KIDINS220: variants seen among roughly 807,000 people sequenced by gnomAD.
KIDINS220 encodes kinase D-interacting substrate of 220 kDa.
KIDINS220 carries 63 observed loss-of-function variants against 157.6 expected under a neutral mutation model. The observed-to-expected ratio is 0.40, with a 90% CI of 0.33 to 0.49. KIDINS220 has a LOEUF of 0.49. Among genes scored for constraint, KIDINS220 ranks in the 20% least tolerant of loss-of-function variants. The pLI, the probability that KIDINS220 is intolerant of heterozygous loss-of-function variation, is 0.66. For synonymous variants in KIDINS220, 732 were observed against 783.6 expected (o/e 0.93, Z 1.10); for missense variants, 1,772 against 2,171.2 (o/e 0.82, Z 3.65).
At chr2:8,732,245 T>A (rs1455380444) in intron 29 of KIDINS220, among the ~76,000 whole-genome samples, 4 of 152,226 alleles carry the variant, frequency 2.6e-5, no homozygotes, top group Non-Finnish European at 5.9e-5. Context: ...TAACAAATAA[T>A]CTTAGCACTT....
At chr2:8,727,053 G>A, downstream of KIDINS220, 1 of 986,762 alleles carries the variant, frequency 1.0e-6, no homozygotes, top group Non-Finnish European at 1.4e-6. Flanking sequence ...ACTATCCAGT[G>A]CTGGCTGTTG....
At chr2:8,763,132 AGT>A (rs1231851250) in intron 22 of KIDINS220, among the ~76,000 whole-genome samples, 1 of 152,224 alleles carries the variant, frequency 6.6e-6, no homozygotes, top group Non-Finnish European at 1.5e-5. Flanking sequence ...TAAAATATTT[AGT>A]TCTATATTTC....
chr2:8,767,720 A>G (rs951924575), intron 22 of KIDINS220, among the ~76,000 whole-genome samples: 3 of 152,196 alleles, frequency 2.0e-5, no homozygotes, highest in African/African-American at 4.8e-5. Context: ...AAGCTTATGA[A>G]AGCTTTGGGT....
In KIDINS220 at chr2:8,812,377, A is replaced by G; in HGVS notation, c.504+18T>C. ...GACATAACATGGACTGGAACCTGAA[A>G]AGATGCTGCTGACCTACCTTATCAG... is the stretch of plus-strand genomic sequence containing the variant. On this transcript the variant is annotated intron_variant, in intron 6 of 29. Coordinates refer to ENST00000256707, the MANE Select transcript of KIDINS220 (RefSeq NM_020738.4). 3 of 1,468,676 alleles carry G rather than the reference A, an allele frequency of 2.0e-6. No homozygotes were observed. The highest frequency in any genetic ancestry group is 2.8e-6 in the Non-Finnish European group (3 of 1,066,150). The allele number at this position is 1,468,676 out of a possible 1,614,324, so 91.0% of individuals were successfully genotyped here.
chr2:8,826,900 C>T, intron 2 of KIDINS220, 86 bp downstream of exon 2: 1 of 673,032 alleles, frequency 1.5e-6, no homozygotes, highest in South Asian at 1.9e-5. Context: ...TTAGAACTAC[C>T]TATTTCTTAC....
intron 9 of KIDINS220, among the ~76,000 whole-genome samples, chr2:8,800,024 A>C (rs17722392): frequency 0.049 from 7,434 of 152,318 alleles, 226 homozygotes; most frequent in Middle Eastern, 0.071. Context: ...CAGCAGATGG[A>C]GGAAGAAGAC....
chr2:8,819,969 C>T (rs1677682120), intron 2 of KIDINS220, among the ~76,000 whole-genome samples: 1 of 152,212 alleles, frequency 6.6e-6, no homozygotes, highest in South Asian at 2.1e-4. Context: ...TAAACACCTA[C>T]TTACTACATG....
In KIDINS220 at chr2:8,731,028, A is replaced by C. The variant is rs773929263; in HGVS notation, c.5008T>G (p.Cys1670Gly). The C allele has an allele frequency of 1.1e-5, 17 of 1,614,096 alleles. No individual in the cohort carries two copies. The highest frequency in any genetic ancestry group is 1.4e-5 in the Non-Finnish European group (16 of 1,180,046). ...CGGTTCAGGTTGTAGGCTTTCTGGC[A>C]TGCAGGCCAGTTTTCTTCAGGGCTG... ...ASSPEENWPA[C>G]QKAYNLNRTP... The change falls in exon 30 of 30, where the codon TGC becomes GGC. Residue 1670 changes from cysteine to glycine, a missense_variant. Cys to Gly is a radical substitution (Grantham distance 159). Coordinates refer to ENST00000256707, the MANE Select transcript of KIDINS220 (RefSeq NM_020738.4). This position sits in a 1 kb window ranked among gnomAD's most constrained non-coding sequence, Gnocchi z 5.2.
rs1445865318 is a variant in KIDINS220, at chr2:8,730,764, A to G, written c.5272T>C (p.Ser1758Pro). 10 of 1,614,228 alleles carry G rather than the reference A, an allele frequency of 6.2e-6. No individual in the cohort carries two copies. In the South Asian group the frequency reaches 1.1e-4, roughly 18 times the overall value. ...TCTTCTCCAAAGCCTGTGCTCTCAG[A>G]AGAGGCTGCTGCATGGAGCTCCGGA... ...DPPELHAAAS[S>P]ESTGFGEERE... is the part of the protein sequence containing the mutation. The change falls in exon 30 of 30, where the codon TCT becomes CCT. Residue 1758 changes from serine to proline, a missense_variant. Transcript: ENST00000256707.
chr2:8,770,698 G>A lies in KIDINS220; in HGVS notation c.2983C>T (p.Gln995Ter). 6.3e-7 allele frequency: 1 copy of A among 1,595,094 alleles called. No homozygotes were observed. Among genetic ancestry groups the A allele is most frequent in the Non-Finnish European group, 8.5e-7 (1 of 1,170,020 alleles). The change falls in exon 22 of 30, where the codon CAA becomes TAA. Residue 995 changes from glutamine (Q) to a stop codon, truncating the protein, a stop_gained. Transcript: ENST00000256707. LOFTEE classifies it high-confidence loss of function. ...TCGTAGATGGTTTTTAATGTCATTTGATCTGGAATACCTTCAGTCTCTTCC... is the reference window on the plus strand; with the variant it reads ...TCGTAGATGGTTTTTAATGTCATTTAATCTGGAATACCTTCAGTCTCTTCC... Reference protein sequence around the residue: ...YLEETEGIPDQMTLKTIYERI... With the variant: ...YLEETEGIPD
chr2:8,735,319 G>C (rs1407384186), intron 27 of KIDINS220, among the ~76,000 whole-genome samples: 1 of 152,184 alleles, frequency 6.6e-6, no homozygotes, highest in Non-Finnish European at 1.5e-5. Context: ...ATCACCTAAA[G>C]TCAGGAGTTC....
chr2:8,734,082 A>C (rs564093229), intron 28 of KIDINS220, among the ~76,000 whole-genome samples: 1 of 152,202 alleles, frequency 6.6e-6, no homozygotes, highest in South Asian at 2.1e-4. Flanking sequence ...TCCAACTCGG[A>C]ATAAGCACGA....
chr2:8,751,266 T>G lies in KIDINS220; in HGVS notation c.3190+200A>C, dbSNP rs6431960. 0.2 allele frequency among the ~76,000 whole-genome samples: 29,937 copies of G among 151,584 alleles called. 3,914 individuals are homozygous for G. The highest frequency in any genetic ancestry group is 0.37 in the African/African-American group (15,209 of 41,278). On this transcript the variant is annotated intron_variant, in intron 23 of 29. Coordinates refer to ENST00000256707, the MANE Select transcript of KIDINS220 (RefSeq NM_020738.4). ...TACTAACAGGATTTTCTTTTTTTTT[T>G]TTTTTGTTTTTGTTTTTCTTAACAT...
chr2:8,789,927 C>G lies in KIDINS220; in HGVS notation c.1574G>C (p.Gly525Ala), dbSNP rs1672963789. The G allele has an allele frequency of 6.2e-7, 1 of 1,613,450 alleles. No individual in the cohort carries two copies. Among genetic ancestry groups the G allele is most frequent in the Non-Finnish European group, 8.5e-7 (1 of 1,179,888 alleles). The part of the protein sequence containing the change: ...LFAFTVHPNL[G>A]IAVSLSFLAL... ...CAAGAAGCTCAGTGACACTGCTATT[C>G]CAAGATTTGGGTGGACCGTGAAGGC... The change falls in exon 14 of 30, where the codon GGA (glycine) becomes GCA (alanine). Residue 525 changes from glycine (G) to alanine (A), a missense_variant. By Grantham distance (60) the Gly-to-Ala change is moderately conservative. Coordinates refer to ENST00000256707, the MANE Select transcript of KIDINS220 (RefSeq NM_020738.4).
chr2:8,826,761 G>A, intron 2 of KIDINS220: 2 of 296,030 alleles, frequency 6.8e-6, no homozygotes, highest in East Asian at 5.7e-5. Context: ...TCCATCAGGG[G>A]AAAAAAAACA....
chr2:8,756,685 CAG>C (rs1050797758), intron 22 of KIDINS220, among the ~76,000 whole-genome samples: 5 of 151,312 alleles, frequency 3.3e-5, no homozygotes, highest in Non-Finnish European at 5.9e-5. Flanking sequence ...AAGGACACTA[CAG>C]AGAGAGAGAG....
chr2:8,820,903 T>A (rs1677859571), intron 2 of KIDINS220, among the ~76,000 whole-genome samples: 1 of 152,186 alleles, frequency 6.6e-6, no homozygotes, highest in Non-Finnish European at 1.5e-5. Flanking sequence ...TCCCTTCTAA[T>A]CTACTGGGAT....
Position 8,815,991 on chromosome 2 carries a change from G to C in KIDINS220, c.306+1627C>G, listed in dbSNP as rs150952245. Among the ~76,000 whole-genome samples, 93 of 152,084 alleles carry C rather than the reference G, an allele frequency of 6.1e-4. 1 individual carries two copies. The South Asian group carries it at 0.019, about 31-fold the overall frequency. On this transcript the variant is annotated intron_variant, in intron 4 of 29. Transcript: ENST00000256707. ...AACTTGGGAAGTTGAGTAGTTACTTGGGTAGTTACTACCACCCACCCACCC... is the reference window on the plus strand; with the variant it reads ...AACTTGGGAAGTTGAGTAGTTACTTCGGTAGTTACTACCACCCACCCACCC...
At chr2:8,739,352 CTTA>C (rs1665318859) in intron 26 of KIDINS220, among the ~76,000 whole-genome samples, 1 of 152,140 alleles carries the variant, frequency 6.6e-6, no homozygotes, top group Admixed American at 6.5e-5. Context: ...TAGTCTGACC[CTTA>C]TTATAAGTTG....
Sources: gnomAD v4.1 joint callset for allele counts (sites outside exome capture counted in the v4.1 genomes callset) on GRCh38, gnomAD v4.1.1 for gene constraint, Gnocchi (gnomAD v3.1) non-coding constraint, MANE v1.5 for transcripts, NCBI Gene and HGNC (gene_info 2026-07-23, HGNC 2026-07-21) for gene names.